CFAP43: variants seen among roughly 807,000 people sequenced by gnomAD.
CFAP43 encodes cilia and flagella associated protein 43, also known as cilia- and flagella-associated protein 43.
In CFAP43, 155 loss-of-function variants were observed where a neutral mutation model predicts 218.9. The observed-to-expected ratio is 0.71, with a 90% confidence interval of 0.62 to 0.81. The LOEUF (loss-of-function observed/expected upper bound fraction) is 0.81, where lower values mean the gene tolerates loss of function less well. Ranked by LOEUF, CFAP43 falls within the 30% of genes least tolerant of loss-of-function variation. The pLI is 0.00. For missense variants in CFAP43, 1,778 were observed against 1,954.3 expected (o/e 0.91, Z 1.70); for synonymous variants, 645 against 681.3 (o/e 0.95, Z 0.83).
intron 16 of CFAP43, among the ~76,000 whole-genome samples, chr10:104,184,317 A>G (rs534755199): frequency 6.6e-6 from 1 of 152,284 alleles, no homozygotes; most frequent in Non-Finnish European, 1.5e-5. Flanking sequence ...GCAAAATCTA[A>G]TTAGGAAAGT....
chr10:104,218,711 C>A lies in CFAP43; in HGVS notation c.417-4285G>T, dbSNP rs1191656648. ...AATGATCTCTTTCATGCAAGCCCTG[C>A]ATTTCAACAGAAGGTTTGTGCCCTT... On this transcript the variant is annotated intron_variant, in intron 3 of 37. Coordinates refer to ENST00000357060, the MANE Select transcript of CFAP43 (RefSeq NM_025145.7). The A allele has an allele frequency of 9.9e-6, 5 of 504,936 alleles. No homozygotes were observed. In the East Asian group the frequency reaches 2.3e-4, roughly 23 times the overall value. 31.3% of individuals were successfully genotyped at this position (504,936 alleles called of 1,614,324 possible).
chr10:104,211,245 T>A (rs2090853272), intron 5 of CFAP43, among the ~76,000 whole-genome samples: 1 of 152,108 alleles, frequency 6.6e-6, no homozygotes, highest in Admixed American at 6.5e-5. Flanking sequence ...AATGTGATAA[T>A]TATTACAAAA....
At chr10:104,193,441 T>C (rs889683122) in intron 11 of CFAP43, 1 of 155,636 alleles carries the variant, frequency 6.4e-6, no homozygotes, top group Admixed American at 6.3e-5. Flanking sequence ...TCACTATCTG[T>C]GTACTATTGA....
intron 18 of CFAP43, 120 bp downstream of exon 18, chr10:104,179,720 G>T: frequency 1.4e-6 from 1 of 734,606 alleles, no homozygotes; most frequent in Non-Finnish European, 2.3e-6. Context: ...ATGTTGTAAT[G>T]CTCTGCCAAG....
intron 3 of CFAP43, among the ~76,000 whole-genome samples, chr10:104,218,172 C>A (rs1211667530): frequency 6.6e-6 from 1 of 151,908 alleles, no homozygotes; most frequent in Admixed American, 6.6e-5. Flanking sequence ...CACGGTGAAA[C>A]CCCGTCTCTA....
chr10:104,213,854 T>G (rs909091047), intron 4 of CFAP43, among the ~76,000 whole-genome samples: 5 of 152,208 alleles, frequency 3.3e-5, no homozygotes, highest in African/African-American at 1.2e-4. Context: ...ACTTTCTATA[T>G]CTAACCATTT....
Position 104,232,162 on chromosome 10 carries a change from C to T in CFAP43, c.65+20G>A, listed in dbSNP as rs1173747190. ...GGTTCCGCGAGACCCAGATCGGTCG[C>T]GGGGCCGTGAACACCGCACCTCACG... On this transcript the variant is annotated intron_variant, in intron 1 of 37. Coordinates refer to ENST00000357060, the MANE Select transcript of CFAP43 (RefSeq NM_025145.7). 3.1e-6 allele frequency: 5 copies of T among 1,602,372 alleles called. No individual in the cohort carries two copies. The highest frequency in any genetic ancestry group is 4.3e-6 in the Non-Finnish European group (5 of 1,174,858).
rs370070510 is a variant in CFAP43, at chr10:104,188,360, C to T, written c.1597G>A (p.Asp533Asn). The change falls in exon 13 of 38, where the codon GAC (aspartate) becomes AAC (asparagine). Residue 533 changes from aspartate (D) to asparagine (N), a missense_variant. Physicochemically the swap from Asp to Asn is conservative, Grantham distance 23 (BLOSUM62 1). Transcript: ENST00000357060. ...QISTVSLLET[D>N]IVEVMVLSSL... ...GAAAGCACCATCACTTCCACTATGT[C>T]TGTTTCTAAAAGAGACACTGTGGAT... 1.9e-6 allele frequency: 3 copies of T among 1,614,048 alleles called. No individual in the cohort carries two copies. The highest frequency in any genetic ancestry group is 4.5e-5 in the East Asian group (2 of 44,886).
intron 27 of CFAP43, among the ~76,000 whole-genome samples, chr10:104,154,049 T>C (rs904603068): frequency 2.0e-5 from 3 of 152,204 alleles, no homozygotes; most frequent in Non-Finnish European, 1.5e-5. Flanking sequence ...GCTTCATTAT[T>C]GGTGATGTTA....
intron 20 of CFAP43, among the ~76,000 whole-genome samples, chr10:104,171,243 T>G (rs953729429): frequency 6.6e-6 from 1 of 152,248 alleles, no homozygotes; most frequent in Non-Finnish European, 1.5e-5. Flanking sequence ...CCTAGATTAA[T>G]ATGCCCAGCA....
At position 104,133,759 on chromosome 10, in the gene CFAP43, C is replaced by T; in HGVS notation, c.4457G>A (p.Ser1486Asn). 1 of 1,610,674 alleles carries T rather than the reference C, an allele frequency of 6.2e-7. No homozygotes were observed. The stretch of plus-strand genomic sequence containing the variant: ...GTGTACATCTTTACTTTCCATCATG[C>T]TAGCAACTTTCTTTTGTCCTTGAGT... Reference protein sequence around the residue: ...IRTQGQKKVASMMESKDVHKR... With the variant: ...IRTQGQKKVANMMESKDVHKR... Residue 1486 changes from serine (S) to asparagine (N), a missense_variant, in exon 35 of 38, where the codon AGC becomes AAC. By Grantham distance (46) the Ser-to-Asn change is conservative. This residue lies in a region of CFAP43 where 211 missense variants were observed against 230.6 expected (regional missense o/e 0.91). Transcript: ENST00000357060.
chr10:104,168,822 G>A lies in CFAP43; in HGVS notation c.2613C>T (p.Asn871=). The A allele has an allele frequency of 3.7e-6, 6 of 1,613,572 alleles. No homozygotes were observed. The highest frequency in any genetic ancestry group is 4.2e-6 in the Non-Finnish European group (5 of 1,179,726). The change falls in exon 21 of 38, where the codon AAC becomes AAT. Residue 871 remains asparagine (N), a synonymous_variant. Coordinates refer to ENST00000357060, the MANE Select transcript of CFAP43 (RefSeq NM_025145.7). ...GTTCAGCCAAATAGCTCTTGGCTAA[G>A]TTATGCATCTCTACATCCTTTATCA... is the stretch of plus-strand genomic sequence containing the variant. ...AKMIKDVEMH[N]LAKSYLAELI...
intron 3 of CFAP43, among the ~76,000 whole-genome samples, chr10:104,224,688 G>C (rs1208597433): frequency 2.0e-5 from 3 of 149,036 alleles, no homozygotes; most frequent in African/African-American, 7.5e-5. Context: ...CTGGGAGATG[G>C]AGGTTGCAGT....
At chr10:104,223,248 A>G (rs1389460049) in intron 3 of CFAP43, among the ~76,000 whole-genome samples, 2 of 152,196 alleles carry the variant, frequency 1.3e-5, no homozygotes, top group African/African-American at 4.8e-5. Context: ...GGTTATACAG[A>G]TAACTTTTTC....
At chr10:104,184,862 T>C (rs1353223348) in intron 16 of CFAP43, 154 bp downstream of exon 16, 2 of 812,352 alleles carry the variant, frequency 2.5e-6, no homozygotes, top group East Asian at 1.3e-4. Flanking sequence ...GAGAATGCAG[T>C]GTACGCTTCT....
intron 24 of CFAP43, 56 bp downstream of exon 24, chr10:104,164,038 G>A (rs953019005): frequency 1.3e-6 from 2 of 1,576,312 alleles, no homozygotes; most frequent in Non-Finnish European, 1.7e-6. Context: ...GAACAAATAG[G>A]AGCTGGGGAA....
At chr10:104,166,824 A>G (rs780298607) in intron 22 of CFAP43, 106 bp from the exon 23 acceptor site, 15 of 1,029,732 alleles carry the variant, frequency 1.5e-5, no homozygotes, top group Non-Finnish European at 2.1e-5. Flanking sequence ...AATTTGTTGA[A>G]TTGTCTTGCC....
At chr10:104,130,352 C>G in intron 37 of CFAP43, 47 bp from the exon 38 acceptor site, 1 of 1,573,180 alleles carries the variant, frequency 6.4e-7, no homozygotes, top group South Asian at 1.2e-5. Flanking sequence ...TCAATACTTT[C>G]AAATACAGAA....
chr10:104,143,740 T>G (rs2087815555), intron 31 of CFAP43, 101 bp from the exon 32 acceptor site: 1 of 1,134,838 alleles, frequency 8.8e-7, no homozygotes, highest in East Asian at 2.5e-5. Flanking sequence ...ATTGTATGGC[T>G]CTTCCCTTTG....
Sources: allele counts gnomAD v4.1 joint callset (sites outside exome capture counted in the v4.1 genomes callset), GRCh38; gene constraint gnomAD v4.1.1; regional missense constraint gnomAD v4.1.1; transcripts MANE v1.5; gene names NCBI Gene and HGNC (gene_info 2026-07-23, HGNC 2026-07-21).